The following PGLS variants were observed in gnomAD, a reference collection of about 807,000 sequenced individuals.
PGLS encodes 6-phosphogluconolactonase, also known as epididymis secretory protein Li 304.
Under a neutral mutation model 23.2 loss-of-function variants are expected in PGLS, and 21 were observed. The observed-to-expected ratio is 0.91, with a 90% confidence interval of 0.64 to 1.31. The LOEUF (loss-of-function observed/expected upper bound fraction) is 1.31. Ranked by LOEUF, PGLS falls within the 50% of genes most tolerant of loss-of-function variation. The pLI is 0.00. For missense variants in PGLS, 410 were observed against 354.0 expected (o/e 1.16, Z -1.27); for synonymous variants, 179 against 165.4 (o/e 1.08, Z -0.63).
chr19:17,514,843 G>T (rs2075525603), intron 1 of PGLS, among the ~76,000 whole-genome samples: 1 of 152,188 alleles, frequency 6.6e-6, no homozygotes, highest in Non-Finnish European at 1.5e-5. Flanking sequence ...GTAGAGGTGG[G>T]ATTTCTCCAT....
chr19:17,511,971 C>G lies in PGLS; in HGVS notation c.288+11C>G. 6.5e-7 allele frequency: 1 copy of G among 1,534,496 alleles called. No individual in the cohort carries two copies. Among genetic ancestry groups the G allele is most frequent in the Non-Finnish European group, 8.8e-7 (1 of 1,142,036 alleles). ...TACGGCCTCTACCGGGTGAGAGCTA[C>G]GGGGGCCGCCGGGGATCACGCCGAG... On this transcript the variant is annotated intron_variant, in intron 1 of 4. Coordinates refer to ENST00000252603, the MANE Select transcript of PGLS (RefSeq NM_012088.3).
rs1203850136 is a variant in PGLS at position 17,511,922 on chromosome 19, C to T, written c.250C>T (p.Pro84Ser). 6.5e-7 allele frequency: 1 copy of T among 1,548,178 alleles called. No homozygotes were observed. The highest frequency in any genetic ancestry group is 1.2e-5 in the South Asian group (1 of 84,122). Residue 84 changes from proline (P) to serine (S), a missense_variant, in exon 1 of 5, where the codon CCC (proline) becomes TCC (serine). Pro to Ser is a moderately conservative substitution (Grantham distance 74, BLOSUM62 -1). Transcript: ENST00000252603. ...GGGCTTCTGCGACGAGCGCCTCGTGCCCTTCGATCACGCCGAGAGCACGTA... is the reference window on the plus strand; with the variant it reads ...GGGCTTCTGCGACGAGCGCCTCGTGTCCTTCGATCACGCCGAGAGCACGTA... ...TLGFCDERLV[P>S]FDHAESTYGL...
At chr19:17,517,479 G>C (rs1221647806) in intron 3 of PGLS, 90 bp downstream of exon 3, 3 of 1,087,318 alleles carry the variant, frequency 2.8e-6, no homozygotes, top group African/African-American at 1.6e-5. Flanking sequence ...TGCCGGGTGG[G>C]GTGTCTAGAG....
chr19:17,517,830 G>A lies in PGLS; in HGVS notation c.619G>A (p.Gly207Ser), dbSNP rs778395331. 2 of 1,614,102 alleles carry A rather than the reference G, an allele frequency of 1.2e-6. No homozygotes were observed. Among genetic ancestry groups the A allele is most frequent in the Admixed American group, 1.7e-5 (1 of 60,004 alleles). ...RTVIFVATGEGKAAVLKRILE... is the reference protein window; with the variant it reads ...RTVIFVATGESKAAVLKRILE... ...TGTCATCTTTGTGGCAACTGGAGAA[G>A]GCAAGGCAGCTGTTCTGAAGGTAAC... Residue 207 changes from glycine (G) to serine (S), a missense_variant, in exon 4 of 5, where the codon GGC becomes AGC. Gly to Ser is a moderately conservative substitution (Grantham distance 56). Coordinates refer to ENST00000252603, the MANE Select transcript of PGLS (RefSeq NM_012088.3).
intron 4 of PGLS, among the ~76,000 whole-genome samples, chr19:17,520,009 T>A (rs2075549796): frequency 6.6e-6 from 1 of 152,034 alleles, no homozygotes; most frequent in South Asian, 2.1e-4. Context: ...AAAAATTAGC[T>A]GGGCACAGTG....
rs1398467781 is a variant in PGLS, at chr19:17,511,937, G to T, written c.265G>T (p.Glu89Ter). The change falls in exon 1 of 5, where the codon GAG becomes TAG. Residue 89 changes from glutamate to a stop codon, truncating the protein, a stop_gained. Coordinates refer to ENST00000252603, the MANE Select transcript of PGLS (RefSeq NM_012088.3). LOFTEE classifies it high-confidence loss of function. The part of the protein sequence containing the change: ...DERLVPFDHA[E>*]STYGLYRTHL... ...GCGCCTCGTGCCCTTCGATCACGCC[G>T]AGAGCACGTACGGCCTCTACCGGGT... The T allele has an allele frequency of 1.3e-6, 2 of 1,550,646 alleles. No homozygotes were observed. The highest frequency in any genetic ancestry group is 1.7e-6 in the Non-Finnish European group (2 of 1,149,812).
intron 1 of PGLS, chr19:17,512,173 C>A (rs1036049591): frequency 6.8e-5 from 36 of 530,816 alleles, no homozygotes; most frequent in African/African-American, 6.2e-4. Flanking sequence ...CCAAGAGGGC[C>A]GCGCCCACCG....
rs770471754 is a variant in PGLS at position 17,520,960 on chromosome 19, A to C, written c.656A>C (p.Gln219Pro). ...AAVLKRILEDQEENPLPAALV... is the reference protein window; with the variant it reads ...AAVLKRILEDPEENPLPAALV... Reference sequence around the variant, plus strand: ...CTTCTTCAGCGCATTTTGGAGGACCAGGAGGAAAACCCGCTGCCCGCCGCC... The same window carrying C: ...CTTCTTCAGCGCATTTTGGAGGACCCGGAGGAAAACCCGCTGCCCGCCGCC... Residue 219 changes from glutamine (Q) to proline (P), a missense_variant, in exon 5 of 5, where the codon CAG (glutamine) becomes CCG (proline). Physicochemically the swap from Gln to Pro is moderately conservative, Grantham distance 76. Coordinates refer to ENST00000252603, the MANE Select transcript of PGLS (RefSeq NM_012088.3). 3 of 1,598,270 alleles carry C rather than the reference A, an allele frequency of 1.9e-6. No individual in the cohort carries two copies. The South Asian group carries it at 3.4e-5, about 18-fold the overall frequency.
intron 1 of PGLS, chr19:17,515,953 G>A (rs1304230347): frequency 2.9e-5 from 13 of 445,274 alleles, no homozygotes; most frequent in African/African-American, 8.0e-5. Context: ...GACAGGCGGC[G>A]TCACCCAGGG....
intron 2 of PGLS, 200 bp downstream of exon 2, chr19:17,516,480 A>G: frequency 3.6e-6 from 5 of 1,385,016 alleles, no homozygotes; most frequent in Non-Finnish European, 4.7e-6. Context: ...CCCAGGTAAC[A>G]GGCCTGGGTC....
At position 17,514,218 on chromosome 19, in the gene PGLS, C is replaced by T. The variant is rs558267214; in HGVS notation, c.289-1955C>T. Among the ~76,000 whole-genome samples, 20 of 152,264 alleles carry T rather than the reference C, an allele frequency of 1.3e-4. 1 individual carries two copies. The highest frequency in any genetic ancestry group is 1.3e-3 in the Admixed American group (20 of 15,286). On this transcript the variant is annotated intron_variant, in intron 1 of 4. Coordinates refer to ENST00000252603, the MANE Select transcript of PGLS (RefSeq NM_012088.3). ...CTTTGGGAGGATCCTTCATTTTCTC[C>T]TCATCTTCTGGGGGCTCTGGGCGTT...
At chr19:17,516,141 T>G in intron 1 of PGLS, 32 bp from the exon 2 acceptor site, 1 of 1,535,424 alleles carries the variant, frequency 6.5e-7, no homozygotes. Flanking sequence ...GTCACGTTAC[T>G]GTTGGTGACA....
chr19:17,517,614 T>C (rs1000655653), intron 3 of PGLS, 96 bp from the exon 4 acceptor site: 15 of 1,374,544 alleles, frequency 1.1e-5, no homozygotes, highest in South Asian at 3.7e-5. Flanking sequence ...TAGGATGGGA[T>C]GGAACAGTGG....
Position 17,511,748 on chromosome 19 carries a change from G to A in PGLS, c.76G>A (p.Val26Met), listed in dbSNP as rs1364885693. 2.0e-6 allele frequency: 3 copies of A among 1,503,470 alleles called. No homozygotes were observed. Among genetic ancestry groups the A allele is most frequent in the South Asian group, 1.2e-5 (1 of 81,376 alleles). 93.1% of individuals were successfully genotyped at this position (1,503,470 alleles called of 1,614,324 possible). A position where few individuals can be genotyped will look rare whatever the true frequency, so the allele number is the denominator to read the frequency against. The change falls in exon 1 of 5, where the codon GTG (valine) becomes ATG (methionine). Residue 26 changes from valine (V) to methionine (M), a missense_variant. Transcript: ENST00000252603. ...QELGAALAQL[V>M]AQRAACCLAG... ...GCTGGGTGCGGCGCTAGCGCAGCTGGTGGCCCAGCGCGCAGCATGCTGCCT... is the reference window on the plus strand; with the variant it reads ...GCTGGGTGCGGCGCTAGCGCAGCTGATGGCCCAGCGCGCAGCATGCTGCCT...
intron 2 of PGLS, 43 bp from the exon 3 acceptor site, chr19:17,517,245 T>G: frequency 7.8e-7 from 1 of 1,282,030 alleles, no homozygotes; most frequent in South Asian, 1.2e-5. Flanking sequence ...CCCCTGCCCC[T>G]GCCACCTACA....
chr19:17,511,731 C>T lies in PGLS; in HGVS notation c.59C>T (p.Ala20Val). Residue 20 changes from alanine to valine, a missense_variant, in exon 1 of 5, where the codon GCG (alanine) becomes GTG (valine). Physicochemically the swap from Ala to Val is moderately conservative, Grantham distance 64 (BLOSUM62 0). Transcript: ENST00000252603. ...TTCTCGAGTTCCCAGGAGCTGGGTG[C>T]GGCGCTAGCGCAGCTGGTGGCCCAG... ...SVFSSSQELG[A>V]ALAQLVAQRA... The T allele has an allele frequency of 1.3e-6, 2 of 1,507,670 alleles. No individual in the cohort carries two copies. Among genetic ancestry groups the T allele is most frequent in the Non-Finnish European group, 1.8e-6 (2 of 1,134,984 alleles). The allele number at this position is 1,507,670 out of a possible 1,614,324, so 93.4% of individuals were successfully genotyped here.
In PGLS at chr19:17,511,655, C is replaced by CCCG. The variant is rs1279546314; in HGVS notation, c.-9_-7dup. 6.8e-7 allele frequency: 1 copy of CCCG among 1,465,512 alleles called. No homozygotes were observed. The highest frequency in any genetic ancestry group is 8.9e-7 in the Non-Finnish European group (1 of 1,118,846). The allele number at this position is 1,465,512 out of a possible 1,614,324, so 90.8% of individuals were successfully genotyped here. ...CGGCCGTAGGGAGCGCTTCCTCCTC[C>CCCG]CCGCCGCCGCCCTCGCCATGGCCGC... On this transcript the variant is annotated 5_prime_UTR_variant, in exon 1 of 5. Transcript: ENST00000252603.
Position 17,517,732 on chromosome 19 carries a change from C to T in PGLS, c.521C>T (p.Pro174Leu). Residue 174 changes from proline (P) to leucine (L), a missense_variant, in exon 4 of 5, where the codon CCC becomes CTC. Physicochemically the swap from Pro to Leu is moderately conservative, Grantham distance 98. Transcript: ENST00000252603. ...AAGGAGCGGGAGAAGATTGTGGCTC[C>T]CATCAGTGACTCCCCGAAGCCACCG... ...LLQEREKIVA[P>L]ISDSPKPPPQ... 6.2e-7 allele frequency: 1 copy of T among 1,614,108 alleles called. No homozygotes were observed. The highest frequency in any genetic ancestry group is 8.5e-7 in the Non-Finnish European group (1 of 1,180,014).
At chr19:17,517,615 G>T in intron 3 of PGLS, 95 bp from the exon 4 acceptor site, 1 of 1,380,628 alleles carries the variant, frequency 7.2e-7, no homozygotes, top group Non-Finnish European at 1.0e-6. Flanking sequence ...AGGATGGGAT[G>T]GAACAGTGGC....
Sources: gnomAD v4.1 joint callset for allele counts (sites outside exome capture counted in the v4.1 genomes callset) on GRCh38, gnomAD v4.1.1 for gene constraint, MANE v1.5 for transcripts, NCBI Gene and HGNC (gene_info 2026-07-23, HGNC 2026-07-21) for gene names.